ASTN2: variants seen among roughly 807,000 people sequenced by gnomAD.
The protein encoded by ASTN2 is astrotactin-2.
ASTN2 carries 54 observed loss-of-function variants against 139.8 expected under a neutral mutation model. The observed-to-expected ratio is 0.39, with a 90% CI of 0.31 to 0.48. The LOEUF (loss-of-function observed/expected upper bound fraction) is 0.48, where lower values mean the gene tolerates loss of function less well. ASTN2 is among the 20% of genes least tolerant of loss of function. ASTN2 has a pLI of 0.95. For synonymous variants in ASTN2, 756 were observed against 719.5 expected (o/e 1.05, Z -0.81); for missense variants, 1,565 against 1,725.1 (o/e 0.91, Z 1.64).
At chr9:117,323,681 A>T (rs959110468) in intron 1 of ASTN2, among the ~76,000 whole-genome samples, 2 of 152,196 alleles carry the variant, frequency 1.3e-5, no homozygotes, top group Non-Finnish European at 2.9e-5. Context: ...CAATGTTTTC[A>T]GTGTGAAATA....
chr9:117,056,849 T>C (rs1587911839), intron 5 of ASTN2, among the ~76,000 whole-genome samples: 1 of 152,284 alleles, frequency 6.6e-6, no homozygotes, highest in East Asian at 1.9e-4. Context: ...AGAACATGAT[T>C]AGAGTCGCAC....
intron 1 of ASTN2, among the ~76,000 whole-genome samples, chr9:117,296,505 A>G (rs1278595187): frequency 6.6e-6 from 1 of 152,096 alleles, no homozygotes; most frequent in Non-Finnish European, 1.5e-5. Context: ...TTGATTTTCC[A>G]ATTGCATTTT....
chr9:116,512,362 A>C lies in ASTN2; in HGVS notation c.3356-24862T>G, dbSNP rs368698035. On this transcript the variant is annotated intron_variant, in intron 19 of 22. Coordinates refer to ENST00000313400, the MANE Select transcript of ASTN2 (RefSeq NM_001365068.1). The stretch of plus-strand genomic sequence containing the variant: ...CCTAGTTTGATTGCACTGTGTTCTG[A>C]GAGACAGTTTGTTTTAATTTCTGTT... Among the ~76,000 whole-genome samples, 8 of 152,280 alleles carry C rather than the reference A, an allele frequency of 5.3e-5. No individual in the cohort carries two copies. In the South Asian group the frequency reaches 1.7e-3, roughly 32 times the overall value.
At chr9:117,084,901 G>C (rs1828522486) in intron 5 of ASTN2, among the ~76,000 whole-genome samples, 1 of 152,188 alleles carries the variant, frequency 6.6e-6, no homozygotes. Context: ...CTTGGAATTG[G>C]CATTTTAAAA....
chr9:116,836,329 G>A lies in ASTN2; in HGVS notation c.2041-15546C>T, dbSNP rs547513505. ...GGTGCTTCAATGTCATGGATTAGGG[G>A]TGGAAGGCCATGCTCTTCACTGATG... On this transcript the variant is annotated intron_variant, in intron 11 of 22. Transcript: ENST00000313400. Among the ~76,000 whole-genome samples, 21 of 152,182 alleles carry A rather than the reference G, an allele frequency of 1.4e-4. 1 individual carries two copies. The highest frequency in any genetic ancestry group is 5.1e-4 in the African/African-American group (21 of 41,528).
At chr9:117,353,360 C>A (rs947383351) in intron 1 of ASTN2, among the ~76,000 whole-genome samples, 1 of 152,190 alleles carries the variant, frequency 6.6e-6, no homozygotes, top group Middle Eastern at 3.2e-3. Context: ...TACATCTGTA[C>A]TGTCCAATAT....
At chr9:116,653,776 A>G (rs1015078662) in intron 16 of ASTN2, among the ~76,000 whole-genome samples, 3 of 152,178 alleles carry the variant, frequency 2.0e-5, no homozygotes, top group Non-Finnish European at 4.4e-5. Flanking sequence ...GCCTTCATTC[A>G]TTACTCTCTG....
At chr9:117,333,072 A>G (rs1250709212) in intron 1 of ASTN2, among the ~76,000 whole-genome samples, 1 of 152,186 alleles carries the variant, frequency 6.6e-6, no homozygotes, top group Non-Finnish European at 1.5e-5. Flanking sequence ...GGTTGCATGT[A>G]TCTGTGAATA....
intron 19 of ASTN2, among the ~76,000 whole-genome samples, chr9:116,552,820 C>T (rs946447994): frequency 6.6e-6 from 1 of 152,254 alleles, no homozygotes; most frequent in African/African-American, 2.4e-5. Context: ...CTGATCTAAG[C>T]TGCATGGGCA....
intron 20 of ASTN2, among the ~76,000 whole-genome samples, chr9:116,469,935 T>C (rs557117648): frequency 6.6e-6 from 1 of 152,082 alleles, no homozygotes; most frequent in African/African-American, 2.4e-5. Flanking sequence ...CTGGGCACGG[T>C]GGCTCACGTC....
intron 2 of ASTN2, among the ~76,000 whole-genome samples, chr9:117,225,143 G>C (rs1832660895): frequency 6.6e-6 from 1 of 152,214 alleles, no homozygotes; most frequent in Non-Finnish European, 1.5e-5. Flanking sequence ...TCAATTACTT[G>C]TTGAAAGAAA....
intron 1 of ASTN2, among the ~76,000 whole-genome samples, chr9:117,401,820 A>C (rs997299680): frequency 1.3e-5 from 2 of 152,190 alleles, no homozygotes; most frequent in Admixed American, 6.5e-5. Context: ...AACAAATATT[A>C]TTCTTCTCTT....
At chr9:116,727,013 AACACACACACACAC>A (rs34050784) in intron 15 of ASTN2, among the ~76,000 whole-genome samples, 179 of 144,524 alleles carry the variant, frequency 1.2e-3, no homozygotes, top group African/African-American at 3.9e-3. Flanking sequence ...CACTACACTC[AACACACACACACAC>A]ACACACACAC....
intron 4 of ASTN2, among the ~76,000 whole-genome samples, chr9:117,097,230 G>C (rs1363732553): frequency 6.6e-6 from 1 of 152,196 alleles, no homozygotes; most frequent in African/African-American, 2.4e-5. Context: ...TCAGAGGAGT[G>C]TGGAGGGAAA....
chr9:116,451,571 C>T (rs1588071696), intron 20 of ASTN2, among the ~76,000 whole-genome samples: 1 of 152,170 alleles, frequency 6.6e-6, no homozygotes, highest in East Asian at 1.9e-4. Context: ...GTATTCTTGC[C>T]CCTATGTTTG....
intron 22 of ASTN2, among the ~76,000 whole-genome samples, chr9:116,432,725 T>C (rs968106443): frequency 6.6e-6 from 1 of 152,064 alleles, no homozygotes; most frequent in Non-Finnish European, 1.5e-5. Flanking sequence ...TGGTCGGGAG[T>C]TCCAGACCAG....
At chr9:116,907,112 A>T (rs556172951) in intron 10 of ASTN2, among the ~76,000 whole-genome samples, 1 of 152,288 alleles carries the variant, frequency 6.6e-6, no homozygotes, top group South Asian at 2.1e-4. Flanking sequence ...ATACACTAGG[A>T]TTCAAAGGGC....
chr9:116,488,251 TAAAG>T (rs1849404110), intron 19 of ASTN2, among the ~76,000 whole-genome samples: 2 of 152,170 alleles, frequency 1.3e-5, no homozygotes, highest in African/African-American at 4.8e-5. Context: ...ACAGAACTAA[TAAAG>T]AAGTCTAGGA....
chr9:116,635,827 G>A (rs1185732766), intron 17 of ASTN2, among the ~76,000 whole-genome samples: 1 of 152,196 alleles, frequency 6.6e-6, no homozygotes, highest in African/African-American at 2.4e-5. Flanking sequence ...GCTTTGAATT[G>A]AGCTAATAGA....
Sources: gnomAD v4.1 joint callset for allele counts (sites outside exome capture counted in the v4.1 genomes callset) on GRCh38, gnomAD v4.1.1 for gene constraint, MANE v1.5 for transcripts, NCBI Gene and HGNC (gene_info 2026-07-23, HGNC 2026-07-21) for gene names.